The following TNIK variants were observed in gnomAD, a reference collection of about 807,000 sequenced individuals.
The protein encoded by TNIK is TRAF2 and NCK-interacting protein kinase.
A neutral mutation model predicts 191.3 loss-of-function variants in TNIK; 49 were observed. That is an observed-to-expected ratio of 0.26 (90% CI 0.20 to 0.32). The LOEUF is 0.32. Ranked by LOEUF, TNIK falls within the 10% of genes least tolerant of loss-of-function variation. The probability of loss-of-function intolerance (pLI) is 1.00; values close to 1 mark genes in which losing one functional copy is unlikely to be tolerated. For synonymous variants in TNIK, 594 were observed against 600.9 expected, an observed-to-expected ratio of 0.99 and a Z score of 0.17; for missense variants, 1,155 against 1,702.3, an observed-to-expected ratio of 0.68 and a Z score of 5.66.
At chr3:171,404,790 G>T (rs1249719952) in intron 1 of TNIK, among the ~76,000 whole-genome samples, 1 of 152,176 alleles carries the variant, frequency 6.6e-6, no homozygotes, top group African/African-American at 2.4e-5. Flanking sequence ...ATAATTGACA[G>T]AACTTGGAGC....
At chr3:171,234,078 G>C (rs1461108945) in intron 2 of TNIK, among the ~76,000 whole-genome samples, 4 of 152,124 alleles carry the variant, frequency 2.6e-5, no homozygotes, top group Non-Finnish European at 5.9e-5. Context: ...CATGATGATG[G>C]CAAACATGAA....
intron 2 of TNIK, among the ~76,000 whole-genome samples, chr3:171,303,834 G>A (rs1205714698): frequency 6.6e-6 from 1 of 152,260 alleles, no homozygotes; most frequent in Middle Eastern, 3.4e-3. Context: ...AAATATCATT[G>A]CTAGCCTATG....
intron 17 of TNIK, among the ~76,000 whole-genome samples, chr3:171,125,523 G>A (rs1249759443): frequency 6.6e-6 from 1 of 152,154 alleles, no homozygotes; most frequent in Non-Finnish European, 1.5e-5. Flanking sequence ...TTAAAAATAG[G>A]AATACATGGA....
At chr3:171,345,227 G>A (rs1425286946) in intron 2 of TNIK, among the ~76,000 whole-genome samples, 1 of 152,156 alleles carries the variant, frequency 6.6e-6, no homozygotes, top group Non-Finnish European at 1.5e-5. Context: ...GAGAACAGGA[G>A]CTATTTCCTT....
intron 2 of TNIK, among the ~76,000 whole-genome samples, chr3:171,349,915 T>G (rs1188804677): frequency 2.6e-5 from 4 of 152,216 alleles, no homozygotes; most frequent in African/African-American, 9.6e-5. Context: ...TGAATGAACT[T>G]ATCTACTCCC....
At position 171,399,597 on chromosome 3, in the gene TNIK, A is replaced by C. The variant is rs185874482; in HGVS notation, c.58-29912T>G. On this transcript the variant is annotated intron_variant, in intron 1 of 32. Coordinates refer to ENST00000436636, the MANE Select transcript of TNIK (RefSeq NM_015028.4). ...GACTATCTCAATGCTAGAGAATAGT[A>C]GGCAACCGATAAAAAAATTATGTTG... is the stretch of plus-strand genomic sequence containing the variant. Among the ~76,000 whole-genome samples the C allele has an allele frequency of 2.5e-3, 382 of 152,362 alleles. 1 individual carries two copies. The highest frequency in any genetic ancestry group is 9.0e-3 in the African/African-American group (373 of 41,580).
At chr3:171,180,133 G>C (rs1296812054) in intron 7 of TNIK, among the ~76,000 whole-genome samples, 4 of 152,154 alleles carry the variant, frequency 2.6e-5, no homozygotes, top group Non-Finnish European at 5.9e-5. Context: ...TGGTTCTGGG[G>C]TAAGAAGAAC....
intron 21 of TNIK, among the ~76,000 whole-genome samples, chr3:171,103,688 AC>A (rs1237536118): frequency 1.3e-5 from 2 of 152,136 alleles, no homozygotes; most frequent in Non-Finnish European, 2.9e-5. Flanking sequence ...ATTAAGAATT[AC>A]ATTTTATATA....
At chr3:171,117,579 AG>A (rs1245372671) in intron 18 of TNIK, among the ~76,000 whole-genome samples, 2 of 152,152 alleles carry the variant, frequency 1.3e-5, no homozygotes, top group African/African-American at 4.8e-5. Flanking sequence ...GCCCTGAATC[AG>A]GCAAAAGGCA....
chr3:171,303,715 T>C (rs1753122192), intron 2 of TNIK, among the ~76,000 whole-genome samples: 1 of 152,164 alleles, frequency 6.6e-6, no homozygotes, highest in African/African-American at 2.4e-5. Context: ...CTGTCAAACA[T>C]GTATATTTCA....
intron 18 of TNIK, 87 bp downstream of exon 18, chr3:171,123,509 A>C (rs949375244): frequency 7.8e-6 from 9 of 1,159,994 alleles, no homozygotes; most frequent in African/African-American, 1.6e-5. Context: ...CTGAAGAGAA[A>C]AAAGAACACA....
In TNIK at chr3:171,139,467, T is replaced by C. The variant is rs761821781; in HGVS notation, c.1419+3A>G. The C allele has an allele frequency of 1.3e-5, 21 of 1,612,154 alleles. No homozygotes were observed. In the African/African-American group the frequency reaches 2.7e-4, roughly 21 times the overall value. ...GTCAGCTGGTTCTTGGCTTTCTCAT[T>C]ACCAGAAGTAGAGCTTGTTCATGCA... is the stretch of plus-strand genomic sequence containing the variant. On this transcript the variant is annotated splice_donor_region_variant and intron_variant, in intron 14 of 32. Transcript: ENST00000436636.
rs1480771716 is a variant in TNIK at position 171,369,611 on chromosome 3, T to G, written c.123+9A>C. The G allele has an allele frequency of 1.3e-6, 2 of 1,568,208 alleles. No individual in the cohort carries two copies. On this transcript the variant is annotated intron_variant, in intron 2 of 32. Coordinates refer to ENST00000436636, the MANE Select transcript of TNIK (RefSeq NM_015028.4). ...GTACATAAGCCACTCTCAGACTCAATGTACTTACCTTATAAACTTGCCCGT... is the reference window on the plus strand; with the variant it reads ...GTACATAAGCCACTCTCAGACTCAAGGTACTTACCTTATAAACTTGCCCGT...
chr3:171,155,503 C>T (rs946107505), intron 12 of TNIK, among the ~76,000 whole-genome samples: 2 of 152,246 alleles, frequency 1.3e-5, no homozygotes, highest in Admixed American at 1.3e-4. Context: ...GTACATACAG[C>T]AAAAGGCTTG....
At chr3:171,155,782 T>C (rs148992530) in intron 12 of TNIK, among the ~76,000 whole-genome samples, 171 of 152,310 alleles carry the variant, frequency 1.1e-3, no homozygotes, top group African/African-American at 4.0e-3. Flanking sequence ...TAAAAGACTA[T>C]AGACATAGAG....
At chr3:171,186,347 TTCCAC>T (rs1737365234) in intron 7 of TNIK, among the ~76,000 whole-genome samples, 1 of 152,232 alleles carries the variant, frequency 6.6e-6, no homozygotes, top group Non-Finnish European at 1.5e-5. Flanking sequence ...TCCCCAAACC[TTCCAC>T]TATACCCCAA....
chr3:171,174,770 G>A (rs1735766946), intron 9 of TNIK, among the ~76,000 whole-genome samples: 1 of 152,160 alleles, frequency 6.6e-6, no homozygotes. Context: ...TGTGAAAACA[G>A]TAGTAAAAAC....
Position 171,261,369 on chromosome 3 carries a change from G to A in TNIK, c.124-33148C>T, listed in dbSNP as rs150126751. ...TTGATATTTCTCCCCAAGCAAAATC[G>A]ATTGCTTCCTCTTCTCCTTATACAT... On this transcript the variant is annotated intron_variant, in intron 2 of 32. Transcript: ENST00000436636. 3.7e-4 allele frequency among the ~76,000 whole-genome samples: 57 copies of A among 152,186 alleles called. 1 individual carries two copies. In the East Asian group the frequency reaches 5.8e-3, roughly 15 times the overall value.
rs375717307 is a variant in TNIK, at chr3:171,087,379, A to G, written c.2849T>C (p.Val950Ala). ...GTCCATCTCCTGGGAATGGGTTGAG[A>G]CGCGCCCCAGTCCCTCAGTCGGGGT... ...AGTPTEGLGRVSTHSQEMDSG... is the reference protein window; with the variant it reads ...AGTPTEGLGRASTHSQEMDSG... Residue 950 changes from valine to alanine, a missense_variant, in exon 24 of 33, where the codon GTC becomes GCC. By Grantham distance (64) the Val-to-Ala change is moderately conservative. Around this residue, in one of 3 missense-constraint regions of TNIK, gnomAD observed 735 missense variants for 848.0 expected, o/e 0.87. Coordinates refer to ENST00000436636, the MANE Select transcript of TNIK (RefSeq NM_015028.4). 4.6e-5 allele frequency: 75 copies of G among 1,613,878 alleles called. No homozygotes were observed. In the African/African-American group the frequency reaches 8.1e-4, roughly 17 times the overall value.
Sources: allele counts gnomAD v4.1 joint callset (sites outside exome capture counted in the v4.1 genomes callset), GRCh38; gene constraint gnomAD v4.1.1; regional missense constraint gnomAD v4.1.1; transcripts MANE v1.5; gene names NCBI Gene and HGNC (gene_info 2026-07-23, HGNC 2026-07-21).